The following COX15 variants were observed in gnomAD, a reference collection of about 807,000 sequenced individuals.
The protein encoded by COX15 is heme A synthase COX15.
Under a neutral mutation model 51.9 loss-of-function variants are expected in COX15, and 51 were observed. That is an observed-to-expected ratio of 0.98 (90% confidence interval 0.78 to 1.24). The LOEUF is 1.24. Among genes scored for constraint, COX15 ranks in the 50% most tolerant of loss-of-function variants. The probability of loss-of-function intolerance (pLI) is 0.00; values close to 1 mark genes in which losing one functional copy is unlikely to be tolerated. For missense variants in COX15, 420 were observed against 501.1 expected (o/e 0.84, Z 1.55); for synonymous variants, 188 against 190.5 (o/e 0.99, Z 0.11).
intron 8 of COX15, 147 bp downstream of exon 8, chr10:99,716,201 C>T: frequency 2.9e-6 from 2 of 691,378 alleles, no homozygotes; most frequent in Non-Finnish European, 5.3e-6. Context: ...GCCATGTTGC[C>T]CAGGCTAGTC....
At chr10:99,723,860 C>T in intron 5 of COX15, 96 bp downstream of exon 5, 1 of 1,400,324 alleles carries the variant, frequency 7.1e-7, no homozygotes, top group Non-Finnish European at 1.0e-6. Context: ...GCAAAATATT[C>T]AACTCCTATA....
rs2036436969 is a variant in COX15, at chr10:99,712,796, C to G, written c.*1791G>C. ...AGCATTTGATTTGGTCTACCCTACTCTTGCCTTCTACAGAACTAAAACTAA... is the reference window on the plus strand; with the variant it reads ...AGCATTTGATTTGGTCTACCCTACTGTTGCCTTCTACAGAACTAAAACTAA... On this transcript the variant is annotated 3_prime_UTR_variant, in exon 9 of 9. Coordinates refer to ENST00000016171, the MANE Select transcript of COX15 (RefSeq NM_078470.6). 1.5e-5 allele frequency: 5 copies of G among 327,954 alleles called. No homozygotes were observed. The highest frequency in any genetic ancestry group is 2.2e-5 in the Non-Finnish European group (5 of 227,192). 20.3% of individuals were successfully genotyped at this position (327,954 alleles called of 1,614,324 possible).
chr10:99,715,332 T>C (rs1457595896), intron 8 of COX15, among the ~76,000 whole-genome samples: 1 of 151,870 alleles, frequency 6.6e-6, no homozygotes, highest in Non-Finnish European at 1.5e-5. Flanking sequence ...AGAGACAGAG[T>C]TTCATCATGT....
chr10:99,726,983 G>GCC lies in COX15; in HGVS notation c.565_566dup (p.Leu190AlafsTer14). ...TAAATCTTACCTGGAAGCAGACGAG[G>GCC]CCACAGAGGGCAAGAACACGTCCTT... On this transcript the variant is annotated frameshift_variant, in exon 4 of 9. Transcript: ENST00000016171. LOFTEE classifies it high-confidence loss of function. The GCC allele has an allele frequency of 6.2e-7, 1 of 1,613,884 alleles. No individual in the cohort carries two copies. The highest frequency in any genetic ancestry group is 8.5e-7 in the Non-Finnish European group (1 of 1,179,992).
intron 5 of COX15, among the ~76,000 whole-genome samples, chr10:99,722,056 G>A (rs1325797202): frequency 6.6e-6 from 1 of 151,734 alleles, no homozygotes; most frequent in Non-Finnish European, 1.5e-5. Flanking sequence ...GTAGAGATGG[G>A]GGTTTCACTA....
the COX15 span, chr10:99,702,435 A>G: frequency 7.9e-7 from 1 of 1,271,752 alleles, no homozygotes; most frequent in Non-Finnish European, 1.1e-6. Context: ...TTGTGGGAAT[A>G]CGGAGTGGCT....
the COX15 span, among the ~76,000 whole-genome samples, chr10:99,700,593 G>C: frequency 6.6e-6 from 1 of 152,174 alleles, no homozygotes; most frequent in South Asian, 2.1e-4. Context: ...ATTTTGGTGA[G>C]AATTACAACA....
chr10:99,708,788 G>A (rs996414334), downstream of COX15: 1 of 981,330 alleles, frequency 1.0e-6, no homozygotes, highest in African/African-American at 1.7e-5. Flanking sequence ...TAGAGCAGTT[G>A]TAATATGTGC....
chr10:99,731,873 C>T (rs755860313), intron 1 of COX15, 87 bp downstream of exon 1: 5 of 1,519,896 alleles, frequency 3.3e-6, no homozygotes, highest in Non-Finnish European at 4.5e-6. Context: ...GCTCCGGAAA[C>T]GTGATGTGGG....
At chr10:99,709,296 A>C, downstream of COX15, 4 of 985,364 alleles carry the variant, frequency 4.1e-6, no homozygotes, top group Non-Finnish European at 4.8e-6. Context: ...ATTCAAAACT[A>C]GTATCTAATT....
chr10:99,714,665 G>A lies in COX15; in HGVS notation c.1155C>T (p.Ala385=). The change falls in exon 9 of 9, where the codon GCC becomes GCT. Residue 385 remains alanine, a synonymous_variant. Transcript: ENST00000016171. ...LLMYVPTPLA[A]THQSGSLALL... Reference sequence around the variant, plus strand: ...AAGCCAAGGAGCCTGACTGGTGAGTGGCGGCCAGAGGAGTTGGGACATACA... The same window carrying A: ...AAGCCAAGGAGCCTGACTGGTGAGTAGCGGCCAGAGGAGTTGGGACATACA... 14 of 1,614,054 alleles carry A rather than the reference G, an allele frequency of 8.7e-6. No individual in the cohort carries two copies. Among genetic ancestry groups the A allele is most frequent in the Non-Finnish European group, 1.1e-5 (13 of 1,180,012 alleles).
At chr10:99,710,194 A>G, downstream of COX15, 1 of 985,324 alleles carries the variant, frequency 1.0e-6, no homozygotes, top group Non-Finnish European at 1.2e-6. Flanking sequence ...CCTCCTACAG[A>G]GCACTTGCCG....
At position 99,729,542 on chromosome 10, in the gene COX15, AAATT is replaced by A; in HGVS notation, c.272+7_272+10del. 1 of 1,612,020 alleles carries A rather than the reference AAATT, an allele frequency of 6.2e-7. No individual in the cohort carries two copies. The highest frequency in any genetic ancestry group is 8.5e-7 in the Non-Finnish European group (1 of 1,179,820). Reference sequence around the variant, plus strand: ...TCCAAATACCTGACTCACTACGAGCAAATTACTTACCTAGTTACTCCACCAAGAA... The same window carrying A: ...TCCAAATACCTGACTCACTACGAGCAACTTACCTAGTTACTCCACCAAGAA... On this transcript the variant is annotated splice_region_variant and intron_variant, in intron 2 of 8. Coordinates refer to ENST00000016171, the MANE Select transcript of COX15 (RefSeq NM_078470.6).
Position 99,724,182 on chromosome 10 carries a change from C to CT in COX15, c.583-60dup, listed in dbSNP as rs952978276. 48 of 1,600,022 alleles carry CT rather than the reference C, an allele frequency of 3.0e-5. No homozygotes were observed. The African/African-American group carries it at 3.4e-4, about 11-fold the overall frequency. On this transcript the variant is annotated intron_variant, in intron 4 of 8. Coordinates refer to ENST00000016171, the MANE Select transcript of COX15 (RefSeq NM_078470.6). ...AGGTTAAAATGATCTGTTCAACTTT[C>CT]TTTTTTTTGTTGTTTTTTTGAGACA... is the stretch of plus-strand genomic sequence containing the variant.
the COX15 span, among the ~76,000 whole-genome samples, chr10:99,696,941 C>A: frequency 6.6e-6 from 1 of 152,122 alleles, no homozygotes; most frequent in Non-Finnish European, 1.5e-5. Flanking sequence ...GAAACCCAGT[C>A]ACGGAGAGAA....
chr10:99,715,893 T>C (rs955956017), intron 8 of COX15, among the ~76,000 whole-genome samples: 1 of 152,134 alleles, frequency 6.6e-6, no homozygotes, highest in Middle Eastern at 3.2e-3. Context: ...TTTGTGGTAA[T>C]TGTGTATTGA....
At chr10:99,716,030 T>C (rs989292497) in intron 8 of COX15, among the ~76,000 whole-genome samples, 4 of 150,216 alleles carry the variant, frequency 2.7e-5, no homozygotes, top group African/African-American at 7.4e-5. Flanking sequence ...CTCACTCTGT[T>C]GTCTAGGCTG....
At chr10:99,731,751 G>A (rs1316520724) in intron 1 of COX15, among the ~76,000 whole-genome samples, 1 of 152,198 alleles carries the variant, frequency 6.6e-6, no homozygotes, top group Non-Finnish European at 1.5e-5. Flanking sequence ...TAAGGAAACT[G>A]AAGAACAGAA....
the COX15 span, chr10:99,701,037 A>G: frequency 1.2e-6 from 2 of 1,614,056 alleles, no homozygotes; most frequent in Non-Finnish European, 8.5e-7. Flanking sequence ...TTTTCATCAC[A>G]TGCAGATGAG....
Sources: allele counts gnomAD v4.1 joint callset (sites outside exome capture counted in the v4.1 genomes callset), GRCh38; gene constraint gnomAD v4.1.1; transcripts MANE v1.5; gene names NCBI Gene and HGNC (gene_info 2026-07-23, HGNC 2026-07-21).